Variants in RTTN observed in about 807,000 individuals in gnomAD.
RTTN encodes rotatin.
RTTN carries 182 observed loss-of-function variants against 269.2 expected under a neutral mutation model. The ratio of observed to expected loss-of-function variants is 0.68; its 90% CI spans 0.60 to 0.76. RTTN has a LOEUF of 0.76. Ranked by LOEUF, RTTN falls within the 30% of genes least tolerant of loss-of-function variation. The pLI, the probability that RTTN is intolerant of heterozygous loss-of-function variation, is 0.00. For missense variants in RTTN, 2,545 were observed against 2,608.6 expected (o/e 0.98, Z 0.53); for synonymous variants, 1,006 against 963.5 (o/e 1.04, Z -0.82).
intron 32 of RTTN, among the ~76,000 whole-genome samples, chr18:70,077,276 A>G (rs1278330056): frequency 1.3e-5 from 2 of 152,034 alleles, no homozygotes; most frequent in Admixed American, 1.3e-4. Context: ...TTATGTCTAC[A>G]TGAATGCTTC....
chr18:70,019,522 T>A (rs905131885), intron 45 of RTTN: 5 of 152,256 alleles, frequency 3.3e-5, no homozygotes, highest in African/African-American at 1.2e-4. Flanking sequence ...TACATGAACA[T>A]ATACATGAAG....
intron 43 of RTTN, 87 bp from the exon 44 acceptor site, chr18:70,024,935 C>T: frequency 6.9e-7 from 1 of 1,452,116 alleles, no homozygotes; most frequent in Non-Finnish European, 9.4e-7. Context: ...AAGCCATCAA[C>T]ATAAGACCCA....
chr18:70,092,242 A>G (rs757046785), intron 29 of RTTN, 22 bp from the exon 30 acceptor site: 1 of 1,425,350 alleles, frequency 7.0e-7, no homozygotes. Context: ...AAAGGGAAAC[A>G]GAAATATTTG....
intron 11 of RTTN, among the ~76,000 whole-genome samples, chr18:70,170,279 T>C (rs531192524): frequency 2.0e-3 from 297 of 152,280 alleles, no homozygotes; most frequent in Middle Eastern, 3.4e-3. Context: ...GAGAGCAAAA[T>C]ACAACCTCTG....
In RTTN at chr18:70,092,623, C is replaced by T. The variant is rs1446441133; in HGVS notation, c.4032+53G>A. ...TATGCTTGAAATGTGTTGGACACAG[C>T]ACATTCCCTTTCAAGCAAATGTTCA... On this transcript the variant is annotated intron_variant, in intron 29 of 48. Transcript: ENST00000640769. 2.5e-6 allele frequency: 4 copies of T among 1,584,962 alleles called. No homozygotes were observed. In the South Asian group the frequency reaches 3.4e-5, roughly 13 times the overall value.
intron 14 of RTTN, among the ~76,000 whole-genome samples, chr18:70,151,886 G>C (rs986109517): frequency 1.3e-5 from 2 of 151,906 alleles, no homozygotes; most frequent in African/African-American, 2.4e-5. Flanking sequence ...TCATTTTTCA[G>C]CTCTCCTTCC....
intron 23 of RTTN, among the ~76,000 whole-genome samples, chr18:70,132,230 A>G (rs2060015778): frequency 6.6e-6 from 1 of 152,064 alleles, no homozygotes; most frequent in South Asian, 2.1e-4. Flanking sequence ...CTGCTACCTG[A>G]AAGAACTTCA....
intron 10 of RTTN, among the ~76,000 whole-genome samples, chr18:70,185,148 C>T (rs1421816873): frequency 1.3e-5 from 2 of 151,236 alleles, no homozygotes; most frequent in Non-Finnish European, 2.9e-5. Flanking sequence ...AATTGTATAC[C>T]CATAAAAAAA....
At chr18:70,088,187 C>A (rs776164797) in intron 30 of RTTN, 40 bp from the exon 31 acceptor site, 1 of 1,548,240 alleles carries the variant, frequency 6.5e-7, no homozygotes. Flanking sequence ...TCAAATAAGC[C>A]TTTTTCCTAA....
chr18:70,162,938 CAA>C (rs2060878176), intron 14 of RTTN, among the ~76,000 whole-genome samples: 1 of 94,350 alleles, frequency 1.1e-5, no homozygotes, highest in Non-Finnish European at 2.4e-5. Context: ...GAAAAAAGAA[CAA>C]GTCAGTTAAA....
At chr18:70,100,387 T>C (rs572329237) in intron 28 of RTTN, among the ~76,000 whole-genome samples, 1 of 152,330 alleles carries the variant, frequency 6.6e-6, no homozygotes, top group East Asian at 1.9e-4. Context: ...TGTCTGTTAT[T>C]GGTGTATAGG....
chr18:70,171,359 G>A (rs913121569), intron 11 of RTTN, among the ~76,000 whole-genome samples: 3 of 152,144 alleles, frequency 2.0e-5, no homozygotes, highest in African/African-American at 7.2e-5. Flanking sequence ...TCTGACTCTA[G>A]TCAGAAAAAT....
At chr18:70,051,687 C>G in intron 38 of RTTN, 139 bp from the exon 39 acceptor site, 2 of 548,890 alleles carry the variant, frequency 3.6e-6, no homozygotes, top group Admixed American at 7.7e-5. Context: ...AAATCTAATT[C>G]AGCATTATCC....
intron 11 of RTTN, among the ~76,000 whole-genome samples, chr18:70,173,491 CAAAAAAAAAAAA>C (rs397974179): frequency 2.1e-5 from 1 of 48,510 alleles, no homozygotes; most frequent in Non-Finnish European, 4.5e-5. Context: ...GACTCCAACT[CAAAAAAAAAAAA>C]AAAAAAAAGA....
intron 28 of RTTN, among the ~76,000 whole-genome samples, chr18:70,108,254 G>C (rs2145426491): frequency 6.7e-6 from 1 of 150,270 alleles, no homozygotes; most frequent in Non-Finnish European, 1.5e-5. Context: ...TCCAGCCTGG[G>C]CAACAGAGCA....
chr18:70,203,319 C>G (rs1031011430), intron 3 of RTTN, among the ~76,000 whole-genome samples: 1 of 152,076 alleles, frequency 6.6e-6, no homozygotes, highest in Non-Finnish European at 1.5e-5. Flanking sequence ...TCTCCTGCCT[C>G]AGCCTCCCTA....
intron 21 of RTTN, chr18:70,138,397 A>G (rs944909917): frequency 1.4e-4 from 22 of 152,212 alleles, no homozygotes; most frequent in African/African-American, 5.3e-4. Flanking sequence ...ATGAAATAGA[A>G]AAACTGAAAT....
intron 10 of RTTN, among the ~76,000 whole-genome samples, chr18:70,179,994 T>C (rs531800651): frequency 1.3e-5 from 2 of 152,162 alleles, no homozygotes; most frequent in African/African-American, 4.8e-5. Flanking sequence ...CTCCACTATT[T>C]GCACCTCACA....
chr18:70,041,163 G>A (rs961011202), intron 40 of RTTN, among the ~76,000 whole-genome samples: 4 of 151,764 alleles, frequency 2.6e-5, no homozygotes, highest in African/African-American at 4.8e-5. Context: ...AGCTGAGATC[G>A]GGCCACGCTG....
Sources: gnomAD v4.1 joint callset for allele counts (sites outside exome capture counted in the v4.1 genomes callset) on GRCh38, gnomAD v4.1.1 for gene constraint, MANE v1.5 for transcripts, NCBI Gene and HGNC (gene_info 2026-07-23, HGNC 2026-07-21) for gene names.